RBM6: variants seen among roughly 807,000 people sequenced by gnomAD.
RBM6 encodes RNA-binding protein 6.
RBM6 carries 23 observed loss-of-function variants against 140.4 expected under a neutral mutation model. The observed-to-expected ratio is 0.16, with a 90% CI of 0.12 to 0.23. The LOEUF is 0.23. Ranked by LOEUF, RBM6 falls within the 10% of genes least tolerant of loss-of-function variation. The pLI is 1.00. For synonymous variants in RBM6, 439 were observed against 475.6 expected, an observed-to-expected ratio of 0.92 and a Z score of 1.00; for missense variants, 1,139 against 1,386.7, an observed-to-expected ratio of 0.82 and a Z score of 2.84.
Position 49,962,679 on chromosome 3 carries a change from C to T in RBM6, c.38C>T (p.Pro13Leu), listed in dbSNP as rs1403351197. ...TCTCGACCTGCTAACAGAACTGGAC[C>T]TTTTCGGTAAGTTCTCAAATTTGAA... The part of the protein sequence containing the change: ...GDSRPANRTG[P>L]FRGSQEERFA... Residue 13 changes from proline (P) to leucine (L), a missense_variant, in exon 2 of 21, where the codon CCT becomes CTT. By Grantham distance (98) the Pro-to-Leu change is moderately conservative (BLOSUM62 -3). This residue lies in a region of RBM6 where 566 missense variants were observed against 612.7 expected (regional missense o/e 0.92). Coordinates refer to ENST00000266022, the MANE Select transcript of RBM6 (RefSeq NM_005777.3). 6.4e-6 allele frequency: 10 copies of T among 1,572,634 alleles called. No homozygotes were observed.
At chr3:50,053,405 C>T (rs1479726502) in intron 7 of RBM6, among the ~76,000 whole-genome samples, 1 of 152,120 alleles carries the variant, frequency 6.6e-6, no homozygotes, top group Non-Finnish European at 1.5e-5. Context: ...GTGGCACATG[C>T]CTGTAATCCC....
chr3:50,064,213 G>A (rs1192049984), intron 15 of RBM6, among the ~76,000 whole-genome samples: 1 of 152,092 alleles, frequency 6.6e-6, no homozygotes, highest in Non-Finnish European at 1.5e-5. Context: ...TTACAGGCAT[G>A]AGCCACTGCG....
chr3:49,996,877 A>G (rs990860905), intron 5 of RBM6, among the ~76,000 whole-genome samples: 2 of 152,118 alleles, frequency 1.3e-5, no homozygotes, highest in Non-Finnish European at 2.9e-5. Flanking sequence ...AAAAACATCA[A>G]CTTGAATCTG....
chr3:49,958,293 C>T (rs1041518833), intron 1 of RBM6, among the ~76,000 whole-genome samples: 24 of 151,992 alleles, frequency 1.6e-4, no homozygotes, highest in Non-Finnish European at 2.9e-4. Flanking sequence ...CGGTGGCTCA[C>T]GCCTGTAATC....
At chr3:50,046,878 G>A (rs1260602402) in intron 6 of RBM6, among the ~76,000 whole-genome samples, 1 of 152,224 alleles carries the variant, frequency 6.6e-6, no homozygotes, top group Non-Finnish European at 1.5e-5. Flanking sequence ...CCCCACCTCT[G>A]TGAACATAGG....
intron 5 of RBM6, among the ~76,000 whole-genome samples, chr3:49,991,744 A>G (rs1294142281): frequency 6.6e-6 from 1 of 151,972 alleles, no homozygotes; most frequent in Non-Finnish European, 1.5e-5. Context: ...TATTAACCTC[A>G]TGTACCTTAG....
At chr3:49,947,691 A>C (rs2083556109) in intron 1 of RBM6, among the ~76,000 whole-genome samples, 1 of 152,114 alleles carries the variant, frequency 6.6e-6, no homozygotes, top group Admixed American at 6.6e-5. Flanking sequence ...CTAAGATTTT[A>C]TAGTTTTAGC....
intron 6 of RBM6, among the ~76,000 whole-genome samples, chr3:50,020,186 A>C (rs190610848): frequency 3.3e-5 from 5 of 152,122 alleles, no homozygotes; most frequent in Admixed American, 6.6e-5. Context: ...TGGCCTCCCA[A>C]TTTGTTTGGA....
chr3:50,029,607 C>T (rs942108885), intron 6 of RBM6, among the ~76,000 whole-genome samples: 1 of 152,028 alleles, frequency 6.6e-6, no homozygotes, highest in Non-Finnish European at 1.5e-5. Flanking sequence ...GTGGCGTGTA[C>T]CTGTAGGCCC....
In RBM6 at chr3:49,961,921, C is replaced by T. The variant is rs533124730; in HGVS notation, c.-66-655C>T. Among the ~76,000 whole-genome samples the T allele has an allele frequency of 6.6e-5, 10 of 151,546 alleles. No individual in the cohort carries two copies. The South Asian group carries it at 1.3e-3, about 19-fold the overall frequency. The stretch of plus-strand genomic sequence containing the variant: ...CTGTAATCCTAGCACTTTGGGAGGC[C>T]GAGGCGGGCGGACTGCTTGAGCTCA... On this transcript the variant is annotated intron_variant, in intron 1 of 20. Transcript: ENST00000266022.
intron 9 of RBM6, 86 bp downstream of exon 9, chr3:50,058,089 T>C: frequency 1.4e-6 from 2 of 1,470,480 alleles, no homozygotes; most frequent in South Asian, 2.6e-5. Flanking sequence ...AGCTATCTGC[T>C]TTCCAGTACC....
chr3:50,020,092 A>G (rs920125314), intron 6 of RBM6, among the ~76,000 whole-genome samples: 1 of 151,946 alleles, frequency 6.6e-6, no homozygotes, highest in African/African-American at 2.4e-5. Flanking sequence ...CTAGTTTTTT[A>G]AAACATTATT....
intron 4 of RBM6, among the ~76,000 whole-genome samples, chr3:49,972,818 A>T (rs1254149698): frequency 6.6e-6 from 1 of 152,210 alleles, no homozygotes; most frequent in Non-Finnish European, 1.5e-5. Flanking sequence ...ACTAAAGTAC[A>T]GGCGGGGCAT....
At chr3:49,990,623 T>C (rs1459883799) in intron 5 of RBM6, among the ~76,000 whole-genome samples, 4 of 152,254 alleles carry the variant, frequency 2.6e-5, no homozygotes, top group African/African-American at 9.6e-5. Context: ...ATAATGAATA[T>C]GTTTGACAGA....
At chr3:50,015,725 C>T (rs966929115) in intron 6 of RBM6, among the ~76,000 whole-genome samples, 2 of 152,166 alleles carry the variant, frequency 1.3e-5, no homozygotes, top group African/African-American at 4.8e-5. Context: ...AGCCACCGCT[C>T]CCGGCCAATT....
At chr3:49,950,494 GC>G (rs1323142567) in intron 1 of RBM6, among the ~76,000 whole-genome samples, 1 of 152,110 alleles carries the variant, frequency 6.6e-6, no homozygotes, top group East Asian at 1.9e-4. Flanking sequence ...GGTGACTCAG[GC>G]TTGTAATCCC....
intron 7 of RBM6, among the ~76,000 whole-genome samples, chr3:50,053,456 G>T (rs984340645): frequency 2.0e-5 from 3 of 151,996 alleles, no homozygotes; most frequent in African/African-American, 7.3e-5. Context: ...GCTTGAACCC[G>T]GGAGGTGGAG....
chr3:49,979,756 A>T (rs1230649175), intron 5 of RBM6, among the ~76,000 whole-genome samples: 2 of 152,058 alleles, frequency 1.3e-5, no homozygotes, highest in African/African-American at 4.8e-5. Context: ...ACAATTTTTT[A>T]AAAAGGCTAC....
At chr3:50,076,883 A>G in intron 20 of RBM6, 125 bp from the exon 21 acceptor site, 1 of 176,854 alleles carries the variant, frequency 5.7e-6, no homozygotes. Flanking sequence ...GACTCCATCT[A>G]AAAAAAAAAA....
Sources: gnomAD v4.1 joint callset for allele counts (sites outside exome capture counted in the v4.1 genomes callset) on GRCh38, gnomAD v4.1.1 for gene constraint, gnomAD v4.1.1 regional missense constraint, MANE v1.5 for transcripts, NCBI Gene and HGNC (gene_info 2026-07-23, HGNC 2026-07-21) for gene names.